AADACL2: variants seen among roughly 807,000 people sequenced by gnomAD.
AADACL2 encodes the protein arylacetamide deacetylase-like 2.
AADACL2 carries 23 observed loss-of-function variants against 22.3 expected under a neutral mutation model. The ratio of observed to expected loss-of-function variants is 1.03; its 90% confidence interval spans 0.74 to 1.46. The LOEUF is 1.46. Ranked by LOEUF, AADACL2 falls within the 40% of genes most tolerant of loss-of-function variation. The pLI is 0.00. For synonymous variants in AADACL2, 177 were observed against 166.2 expected (o/e 1.07, Z -0.50); for missense variants, 472 against 482.9 (o/e 0.98, Z 0.21).
intron 4 of AADACL2, among the ~76,000 whole-genome samples, chr3:151,755,641 A>G (rs756340602): frequency 6.6e-6 from 1 of 152,184 alleles, no homozygotes; most frequent in Non-Finnish European, 1.5e-5. Flanking sequence ...TGGCAAAGTA[A>G]CAAATGACAT....
Position 151,757,066 on chromosome 3 carries a change from T to A in AADACL2, c.678T>A (p.Asp226Glu). ...TTTACCCTGGCTTACAGATAACAGA[T>A]TCTTATTTGCCATCTCACCGAGAAA... The part of the protein sequence containing the change: ...VLLYPGLQIT[D>E]SYLPSHRENE... Residue 226 changes from aspartate to glutamate, a missense_variant, in exon 5 of 5, where the codon GAT becomes GAA. Asp to Glu is a conservative substitution (Grantham distance 45, BLOSUM62 2). Transcript: ENST00000356517. 1.9e-6 allele frequency: 3 copies of A among 1,612,882 alleles called. No homozygotes were observed. Among genetic ancestry groups the A allele is most frequent in the Non-Finnish European group, 2.5e-6 (3 of 1,179,482 alleles).
chr3:151,757,506 C>A lies in AADACL2; in HGVS notation c.1118C>A (p.Ala373Asp), dbSNP rs1311970170. 13 of 1,613,366 alleles carry A rather than the reference C, an allele frequency of 8.1e-6. No homozygotes were observed. Among genetic ancestry groups the A allele is most frequent in the Non-Finnish European group, 1.0e-5 (12 of 1,179,618 alleles). Residue 373 changes from alanine to aspartate, a missense_variant, in exon 5 of 5, where the codon GCT (alanine) becomes GAT (aspartate). Ala to Asp is a moderately radical substitution (Grantham distance 126). This residue lies in a region of AADACL2 where 113 missense variants were observed against 100.9 expected (regional missense o/e 1.12). Transcript: ENST00000356517. Reference sequence around the variant, plus strand: ...CATATTGAGGATGGAATTCATGGAGCTTTATCATTCATGACTTCACCATTT... The same window carrying A: ...CATATTGAGGATGGAATTCATGGAGATTTATCATTCATGACTTCACCATTT... ...HEHIEDGIHGALSFMTSPFYL... is the reference protein window; with the variant it reads ...HEHIEDGIHGDLSFMTSPFYL...
chr3:151,743,834 G>T (rs1713354067), intron 2 of AADACL2, among the ~76,000 whole-genome samples: 1 of 152,058 alleles, frequency 6.6e-6, no homozygotes, highest in Non-Finnish European at 1.5e-5. Flanking sequence ...ATTACAATAG[G>T]CTGAGCCTAT....
At chr3:151,747,705 CA>C (rs1209227452) in intron 4 of AADACL2, among the ~76,000 whole-genome samples, 12 of 151,600 alleles carry the variant, frequency 7.9e-5, no homozygotes, top group African/African-American at 2.4e-4. Context: ...AGTTTGATTC[CA>C]TATCTTGGCT....
intron 1 of AADACL2, among the ~76,000 whole-genome samples, chr3:151,735,447 C>T (rs1713057026): frequency 6.6e-6 from 1 of 152,220 alleles, no homozygotes; most frequent in Non-Finnish European, 1.5e-5. Flanking sequence ...CTTAGAGTTT[C>T]TGCATACTTC....
intron 2 of AADACL2, among the ~76,000 whole-genome samples, chr3:151,743,227 T>C (rs1713336024): frequency 1.3e-5 from 2 of 152,216 alleles, no homozygotes; most frequent in Non-Finnish European, 2.9e-5. Context: ...ATATACACCC[T>C]GTGGTTAGTT....
rs956209828 is a variant in AADACL2, at chr3:151,761,078, T to C, written c.*3484T>C. 5 of 150,392 alleles carry C rather than the reference T, an allele frequency of 3.3e-5. No individual in the cohort carries two copies. Among genetic ancestry groups the C allele is most frequent in the African/African-American group, 1.2e-4 (5 of 41,030 alleles). 9.3% of individuals were successfully genotyped at this position (150,392 alleles called of 1,614,324 possible). ...AGGACTCCAACATATAGATATGTTT[T>C]ATATATATGGTGAGATATATATATA... is the stretch of plus-strand genomic sequence containing the variant. On this transcript the variant is annotated 3_prime_UTR_variant, in exon 5 of 5. Transcript: ENST00000356517.
intron 4 of AADACL2, among the ~76,000 whole-genome samples, chr3:151,748,022 T>C (rs1713516762): frequency 6.6e-6 from 1 of 152,202 alleles, no homozygotes; most frequent in African/African-American, 2.4e-5. Flanking sequence ...TAACCCCTTA[T>C]TGAACCCATG....
Position 151,757,210 on chromosome 3 carries a change from A to G in AADACL2, c.822A>G (p.Ser274=). 6.2e-7 allele frequency: 1 copy of G among 1,613,702 alleles called. No homozygotes were observed. The highest frequency in any genetic ancestry group is 8.5e-7 in the Non-Finnish European group (1 of 1,179,702). The part of the protein sequence containing the change: ...MRRNQHMPLE[S]RHLFKFVNWS... ...GAAACCAACACATGCCTCTGGAGTC[A>G]AGACATCTGTTTAAGTTTGTTAACT... The change falls in exon 5 of 5, where the codon TCA becomes TCG. Residue 274 remains serine (S), a synonymous_variant. Transcript: ENST00000356517.
chr3:151,744,677 A>T (rs750507494), intron 3 of AADACL2, among the ~76,000 whole-genome samples: 1 of 152,192 alleles, frequency 6.6e-6, no homozygotes, highest in Non-Finnish European at 1.5e-5. Flanking sequence ...TTAAATAAAG[A>T]TACCAACATC....
chr3:151,744,436 T>C (rs887564768), intron 3 of AADACL2, among the ~76,000 whole-genome samples: 10 of 152,060 alleles, frequency 6.6e-5, no homozygotes, highest in African/African-American at 2.2e-4. Context: ...CCTAGTAGTG[T>C]CCCAAGTAAC....
chr3:151,746,474 C>T (rs1215313587), intron 4 of AADACL2, among the ~76,000 whole-genome samples: 1 of 150,694 alleles, frequency 6.6e-6, no homozygotes, highest in African/African-American at 2.4e-5. Context: ...TTTATTATTG[C>T]ACTGTCTGGG....
At chr3:151,745,926 A>T (rs1713428826) in intron 4 of AADACL2, among the ~76,000 whole-genome samples, 1 of 152,152 alleles carries the variant, frequency 6.6e-6, no homozygotes. Context: ...TTTAAAAAAA[A>T]ATCTAGTATT....
rs777131475 is a variant in AADACL2, at chr3:151,757,591, A to G, written c.1203A>G (p.Leu401=). 1 of 1,603,506 alleles carries G rather than the reference A, an allele frequency of 6.2e-7. No individual in the cohort carries two copies. Among genetic ancestry groups the G allele is most frequent in the Non-Finnish European group, 8.5e-7 (1 of 1,174,190 alleles). ...DMYVSWLDKN[L] ...ATGTAAGTTGGCTGGATAAGAATTT[A>G]TAAATATGTGATGTGTATGTATAGC... The change falls in exon 5 of 5, where the codon TTA becomes TTG. Residue 401 remains leucine, a synonymous_variant. Transcript: ENST00000356517.
At chr3:151,752,260 T>C (rs1713700729) in intron 4 of AADACL2, among the ~76,000 whole-genome samples, 1 of 152,216 alleles carries the variant, frequency 6.6e-6, no homozygotes. Context: ...AAAAATTCGG[T>C]ATCAATAATC....
intron 4 of AADACL2, among the ~76,000 whole-genome samples, chr3:151,746,671 T>C (rs1713456923): frequency 1.3e-5 from 2 of 152,092 alleles, no homozygotes; most frequent in Admixed American, 1.3e-4. Context: ...ATTAGTCAAA[T>C]GTTTTTACTC....
chr3:151,757,258 G>A lies in AADACL2; in HGVS notation c.870G>A (p.Lys290=), dbSNP rs201721954. 218 of 1,613,714 alleles carry A rather than the reference G, an allele frequency of 1.4e-4. 1 individual carries two copies. Among genetic ancestry groups the A allele is most frequent in the Non-Finnish European group, 1.5e-5 (18 of 1,179,698 alleles). ...FVNWSILLPE[K]YRKDYVYTEP... ...ACTGGAGTATTCTTCTTCCTGAGAAGTATAGAAAAGACTATGTATATACTG... is the reference window on the plus strand; with the variant it reads ...ACTGGAGTATTCTTCTTCCTGAGAAATATAGAAAAGACTATGTATATACTG... The change falls in exon 5 of 5, where the codon AAG becomes AAA. Residue 290 remains lysine (K), a synonymous_variant. Transcript: ENST00000356517.
rs544598532 is a variant in AADACL2 at position 151,744,055 on chromosome 3, T to G, written c.362-38T>G. On this transcript the variant is annotated intron_variant, in intron 2 of 4. Transcript: ENST00000356517. ...TGTAACTGTTTCTATAGCTTTTTAA[T>G]TACAGGAAATACTTTGATGTTTATT... is the stretch of plus-strand genomic sequence containing the variant. 1.5e-5 allele frequency: 24 copies of G among 1,593,314 alleles called. No individual in the cohort carries two copies. The African/African-American group carries it at 2.5e-4, about 17-fold the overall frequency.
At chr3:151,748,728 C>T (rs1713545804) in intron 4 of AADACL2, among the ~76,000 whole-genome samples, 2 of 152,182 alleles carry the variant, frequency 1.3e-5, no homozygotes, top group Admixed American at 6.5e-5. Context: ...TGAGTTAAAG[C>T]AGCCAGAGGC....
Sources: gnomAD v4.1 joint callset for allele counts (sites outside exome capture counted in the v4.1 genomes callset) on GRCh38, gnomAD v4.1.1 for gene constraint, gnomAD v4.1.1 regional missense constraint, MANE v1.5 for transcripts, NCBI Gene and HGNC (gene_info 2026-07-23, HGNC 2026-07-21) for gene names.